Variants in EXOC2 observed in about 807,000 individuals in gnomAD.
EXOC2 encodes the protein exocyst complex component 2, also known as SEC5-like 1.
In EXOC2, 70 loss-of-function variants were observed where a neutral mutation model predicts 131.8. The ratio of observed to expected loss-of-function variants is 0.53; its 90% CI spans 0.44 to 0.65. EXOC2 has a LOEUF of 0.65. Ranked by LOEUF, EXOC2 falls within the 30% of genes least tolerant of loss-of-function variation. The probability of loss-of-function intolerance (pLI) is 0.00; values close to 1 mark genes in which losing one functional copy is unlikely to be tolerated. For missense variants in EXOC2, 923 were observed against 1,108.6 expected (o/e 0.83, Z 2.38); for synonymous variants, 411 against 398.4 (o/e 1.03, Z -0.38).
intron 23 of EXOC2, among the ~76,000 whole-genome samples, chr6:509,748 T>G (rs1764745508): frequency 6.6e-6 from 1 of 152,168 alleles, no homozygotes; most frequent in Non-Finnish European, 1.5e-5. Context: ...CATTTCCTGT[T>G]GTAATTGGAA....
intron 1 of EXOC2, among the ~76,000 whole-genome samples, chr6:642,926 TAA>T (rs59578274): frequency 1.4e-5 from 2 of 145,414 alleles, no homozygotes; most frequent in Non-Finnish European, 1.5e-5. Context: ...ATTTTTCAAG[TAA>T]AAAAAAAAAA....
intron 23 of EXOC2, among the ~76,000 whole-genome samples, chr6:513,272 G>A (rs766055810): frequency 7.2e-5 from 11 of 152,242 alleles, no homozygotes; most frequent in African/African-American, 2.7e-4. Context: ...CACGGTTTAC[G>A]TGCAGTGCGG....
At chr6:536,416 C>G (rs1160568299) in intron 22 of EXOC2, among the ~76,000 whole-genome samples, 1 of 152,020 alleles carries the variant, frequency 6.6e-6, no homozygotes, top group African/African-American at 2.4e-5. Flanking sequence ...TGGAAAATCT[C>G]TAATGGAAAC....
chr6:589,016 G>C (rs1371403332), intron 11 of EXOC2, among the ~76,000 whole-genome samples: 1 of 152,174 alleles, frequency 6.6e-6, no homozygotes, highest in African/African-American at 2.4e-5. Context: ...GTTTCAAAAA[G>C]TCCATATGTT....
At chr6:491,894 C>G (rs1289128612) in intron 25 of EXOC2, among the ~76,000 whole-genome samples, 1 of 152,170 alleles carries the variant, frequency 6.6e-6, no homozygotes, top group Non-Finnish European at 1.5e-5. Flanking sequence ...ACAAGGGTGC[C>G]AAGACCACTC....
rs551377796 is a variant in EXOC2 at position 491,350 on chromosome 6, A to T, written c.2560-164T>A. 5.2e-5 allele frequency among the ~76,000 whole-genome samples: 8 copies of T among 152,392 alleles called. No individual in the cohort carries two copies. The East Asian group carries it at 1.3e-3, about 26-fold the overall frequency. ...GAGTAGAGTTTCTAAAACAGTCCGA[A>T]GAAATTTGCTACCACAAAATGTTCG... On this transcript the variant is annotated intron_variant, in intron 25 of 27. Coordinates refer to ENST00000230449, the MANE Select transcript of EXOC2 (RefSeq NM_018303.6).
chr6:639,947 C>T (rs994381554), intron 1 of EXOC2, among the ~76,000 whole-genome samples: 3 of 152,024 alleles, frequency 2.0e-5, no homozygotes, highest in Non-Finnish European at 4.4e-5. Flanking sequence ...GGAGGATAGG[C>T]GAAATGTGGC....
intron 4 of EXOC2, among the ~76,000 whole-genome samples, chr6:625,347 G>A (rs1761502459): frequency 6.6e-6 from 1 of 152,240 alleles, no homozygotes; most frequent in Admixed American, 6.5e-5. Context: ...TTGCGGCAAA[G>A]AGAACACACT....
intron 22 of EXOC2, among the ~76,000 whole-genome samples, chr6:548,099 T>A (rs1044707788): frequency 6.6e-6 from 1 of 152,226 alleles, no homozygotes; most frequent in Non-Finnish European, 1.5e-5. Context: ...TACTGCAAGA[T>A]AGCACCTTGC....
intron 2 of EXOC2, among the ~76,000 whole-genome samples, chr6:635,319 C>T (rs921577294): frequency 3.1e-4 from 47 of 152,144 alleles, no homozygotes; most frequent in African/African-American, 1.1e-3. Context: ...CATGGAGGTC[C>T]CCGTTGGCAC....
At chr6:593,054 A>C (rs905925318) in intron 10 of EXOC2, among the ~76,000 whole-genome samples, 2 of 152,174 alleles carry the variant, frequency 1.3e-5, no homozygotes, top group African/African-American at 4.8e-5. Context: ...AGCAAACAAA[A>C]AATAAAAAAA....
intron 5 of EXOC2, among the ~76,000 whole-genome samples, chr6:618,460 G>A (rs377058731): frequency 5.3e-5 from 8 of 152,098 alleles, no homozygotes; most frequent in Non-Finnish European, 1.0e-4. Flanking sequence ...AAGAAAATCC[G>A]GCTATAAAAC....
chr6:638,801 C>T (rs375620252), intron 1 of EXOC2, among the ~76,000 whole-genome samples: 33 of 152,152 alleles, frequency 2.2e-4, no homozygotes, highest in African/African-American at 4.8e-4. Flanking sequence ...TGGTGGTGCA[C>T]GCCTGTAATC....
At chr6:584,539 T>C (rs376471636) in intron 11 of EXOC2, among the ~76,000 whole-genome samples, 2 of 152,204 alleles carry the variant, frequency 1.3e-5, no homozygotes, top group East Asian at 3.8e-4. Context: ...TGTCAGAAAT[T>C]ATTAAAAGGG....
At chr6:536,934 A>G (rs1766476520) in intron 22 of EXOC2, among the ~76,000 whole-genome samples, 1 of 152,256 alleles carries the variant, frequency 6.6e-6, no homozygotes. Context: ...AGAGCCTTCT[A>G]AAAATCGTCA....
chr6:645,161 T>C (rs563309906), intron 1 of EXOC2, among the ~76,000 whole-genome samples: 9 of 151,888 alleles, frequency 5.9e-5, no homozygotes, highest in Non-Finnish European at 1.2e-4. Context: ...CATATGATTA[T>C]ATGAGTTTTG....
At chr6:522,663 C>A (rs755080385) in intron 23 of EXOC2, among the ~76,000 whole-genome samples, 11 of 144,280 alleles carry the variant, frequency 7.6e-5, no homozygotes, top group African/African-American at 1.6e-4. Flanking sequence ...CAGGTCCATG[C>A]GGACTGCAGG....
chr6:499,936 G>A (rs960423748), intron 23 of EXOC2, among the ~76,000 whole-genome samples: 4 of 151,972 alleles, frequency 2.6e-5, no homozygotes, highest in Admixed American at 2.6e-4. Context: ...CACTGTTTAT[G>A]TTCTCTATAA....
intron 10 of EXOC2, among the ~76,000 whole-genome samples, chr6:595,148 T>C (rs1016270848): frequency 2.6e-5 from 4 of 151,972 alleles, no homozygotes; most frequent in African/African-American, 7.3e-5. Context: ...GGGAGAAGAA[T>C]AGGGAAGGTT....
Sources: allele counts gnomAD v4.1 joint callset (sites outside exome capture counted in the v4.1 genomes callset), GRCh38; gene constraint gnomAD v4.1.1; transcripts MANE v1.5; gene names NCBI Gene and HGNC (gene_info 2026-07-23, HGNC 2026-07-21).